SCP2: variants seen among roughly 807,000 people sequenced by gnomAD.
SCP2 encodes SCP-2/3-oxoacyl-CoA thiolase.
In SCP2, 48 loss-of-function variants were observed where a neutral mutation model predicts 71.4. The ratio of observed to expected loss-of-function variants is 0.67; its 90% CI spans 0.53 to 0.86. SCP2 has a LOEUF of 0.86. Ranked by LOEUF, SCP2 falls within the 40% of genes least tolerant of loss-of-function variation. The probability of loss-of-function intolerance (pLI) is 0.00; values close to 1 mark genes in which losing one functional copy is unlikely to be tolerated. For synonymous variants in SCP2, 220 were observed against 218.1 expected, an observed-to-expected ratio of 1.01 and a Z score of -0.08; for missense variants, 560 against 655.6, an observed-to-expected ratio of 0.85 and a Z score of 1.59.
chr1:52,946,149 G>A (rs1654769617), intron 2 of SCP2, among the ~76,000 whole-genome samples: 2 of 151,928 alleles, frequency 1.3e-5, no homozygotes. Context: ...GGTTGGTCTT[G>A]AGGTCCTGGG....
At chr1:52,953,054 TTCTG>T (rs1400949971) in intron 4 of SCP2, among the ~76,000 whole-genome samples, 94 of 149,174 alleles carry the variant, frequency 6.3e-4, no homozygotes, top group African/African-American at 2.1e-3. Flanking sequence ...AATGTGGCAA[TTCTG>T]TCTTTTTTTT....
chr1:53,031,693 T>C lies in SCP2; in HGVS notation c.1338+3622T>C, dbSNP rs967515640. Among the ~76,000 whole-genome samples, 23 of 152,352 alleles carry C rather than the reference T, an allele frequency of 1.5e-4. 1 individual carries two copies. The East Asian group carries it at 4.4e-3, about 29-fold the overall frequency. ...TATTTTCCCTTTAAACTCTTTCTCCTCATCAGTTTCCTTACCCTCTCTCAC... is the reference window on the plus strand; with the variant it reads ...TATTTTCCCTTTAAACTCTTTCTCCCCATCAGTTTCCTTACCCTCTCTCAC... On this transcript the variant is annotated intron_variant, in intron 13 of 15. Transcript: ENST00000371514.
rs1324465897 is a variant in SCP2, at chr1:52,927,280, G to A, written c.-117G>A. ...CCCCTACGCACGCGCACTCTCACGC[G>A]CCTGTGTTGCCGCCCGCGGCCCTGG... On this transcript the variant is annotated 5_prime_UTR_variant, in exon 1 of 16. Transcript: ENST00000371514. 4 of 664,600 alleles carry A rather than the reference G, an allele frequency of 6.0e-6. No homozygotes were observed. In the East Asian group the frequency reaches 1.6e-4, roughly 27 times the overall value. 41.2% of individuals were successfully genotyped at this position (664,600 alleles called of 1,614,324 possible). A position where few individuals can be genotyped will look rare whatever the true frequency, so the allele number is the denominator to read the frequency against.
chr1:52,989,885 G>T (rs1659318711), intron 11 of SCP2, among the ~76,000 whole-genome samples: 1 of 152,182 alleles, frequency 6.6e-6, no homozygotes, highest in Admixed American at 6.6e-5. Context: ...GGTCAGAGTT[G>T]TGTGCATGCT....
chr1:53,042,105 A>G (rs550660672), intron 14 of SCP2, among the ~76,000 whole-genome samples: 1 of 152,310 alleles, frequency 6.6e-6, no homozygotes, highest in South Asian at 2.1e-4. Context: ...TTCCTGAATT[A>G]TACAGAGTCC....
At chr1:52,982,309 G>A (rs144241285) in intron 10 of SCP2, among the ~76,000 whole-genome samples, 197 of 152,296 alleles carry the variant, frequency 1.3e-3, no homozygotes, top group African/African-American at 4.4e-3. Context: ...GGTGGCTCAG[G>A]CCTATAATCC....
chr1:52,978,135 T>G (rs1658147553), intron 8 of SCP2, 82 bp from the exon 9 acceptor site: 1 of 1,399,078 alleles, frequency 7.1e-7, no homozygotes, highest in Non-Finnish European at 1.0e-6. Context: ...TGGCCTTTCC[T>G]TTCACATAGA....
chr1:52,982,843 G>A (rs1184764813), intron 10 of SCP2, among the ~76,000 whole-genome samples: 1 of 152,162 alleles, frequency 6.6e-6, no homozygotes, highest in Non-Finnish European at 1.5e-5. Flanking sequence ...TTAGATGTCT[G>A]TTATATGTCA....
chr1:52,938,143 C>A (rs1653899928), intron 1 of SCP2, among the ~76,000 whole-genome samples: 2 of 152,184 alleles, frequency 1.3e-5, no homozygotes, highest in African/African-American at 4.8e-5. Context: ...TTGGTCTTAG[C>A]TGATTTCAGC....
intron 1 of SCP2, among the ~76,000 whole-genome samples, chr1:52,934,591 ACT>A (rs1491342683): frequency 2.4e-5 from 1 of 42,260 alleles, no homozygotes; most frequent in Non-Finnish European, 5.8e-5. Context: ...ATTCCAGCTA[ACT>A]TTTTTTTTTT....
chr1:52,985,322 T>A (rs928403301), intron 10 of SCP2, among the ~76,000 whole-genome samples: 7 of 152,166 alleles, frequency 4.6e-5, no homozygotes, highest in African/African-American at 9.7e-5. Context: ...GTCTTCCCCA[T>A]CCTCCTGTTG....
Position 53,014,964 on chromosome 1 carries a change from G to A in SCP2, c.1156G>A (p.Val386Met), listed in dbSNP as rs759971765. 1.9e-6 allele frequency: 3 copies of A among 1,614,050 alleles called. No individual in the cohort carries two copies. The South Asian group carries it at 3.3e-5, about 18-fold the overall frequency. Reference sequence around the variant, plus strand: ...AAAGAGGCAAGTTCCTGGTGCAAAGGTGGCTCTGCAGCATAATTTAGGCAT... The same window carrying A: ...AAAGAGGCAAGTTCCTGGTGCAAAGATGGCTCTGCAGCATAATTTAGGCAT... ...AGKRQVPGAK[V>M]ALQHNLGIGG... Residue 386 changes from valine to methionine, a missense_variant, in exon 12 of 16, where the codon GTG becomes ATG. Physicochemically the swap from Val to Met is conservative, Grantham distance 21 (BLOSUM62 1). This residue lies in a region of SCP2 where 513 missense variants were observed against 573.1 expected (regional missense o/e 0.90). Coordinates refer to ENST00000371514, the MANE Select transcript of SCP2 (RefSeq NM_002979.5).
At chr1:52,952,465 G>A (rs1383038683) in intron 4 of SCP2, among the ~76,000 whole-genome samples, 3 of 152,124 alleles carry the variant, frequency 2.0e-5, no homozygotes, top group South Asian at 2.1e-4. Flanking sequence ...GGCTTTAAGC[G>A]ATCTTCCTGC....
intron 6 of SCP2, among the ~76,000 whole-genome samples, chr1:52,964,410 C>T (rs762279099): frequency 6.6e-6 from 1 of 151,594 alleles, no homozygotes; most frequent in South Asian, 2.1e-4. Flanking sequence ...CCATGTTAGC[C>T]GGGATGGTCT....
intron 11 of SCP2, among the ~76,000 whole-genome samples, chr1:53,005,606 A>G (rs978031101): frequency 6.6e-6 from 1 of 152,210 alleles, no homozygotes; most frequent in Non-Finnish European, 1.5e-5. Context: ...CATTCACACC[A>G]AAACCCCATC....
Position 52,961,701 on chromosome 1 carries a change from A to C in SCP2, c.523+72A>C, listed in dbSNP as rs1656465801. On this transcript the variant is annotated intron_variant, in intron 6 of 15. Coordinates refer to ENST00000371514, the MANE Select transcript of SCP2 (RefSeq NM_002979.5). Reference sequence around the variant, plus strand: ...ATGAGATGAGAAATGACAGTTATTTATTAAGGAACTGTGGAGGATGCCAGG... The same window carrying C: ...ATGAGATGAGAAATGACAGTTATTTCTTAAGGAACTGTGGAGGATGCCAGG... 4 of 1,334,304 alleles carry C rather than the reference A, an allele frequency of 3.0e-6. No individual in the cohort carries two copies. The East Asian group carries it at 9.3e-5, about 31-fold the overall frequency. 82.7% of individuals were successfully genotyped at this position (1,334,304 alleles called of 1,614,324 possible). A position where few individuals can be genotyped will look rare whatever the true frequency, so the allele number is the denominator to read the frequency against.
chr1:53,034,871 C>T (rs762616184), intron 13 of SCP2, among the ~76,000 whole-genome samples: 4 of 151,968 alleles, frequency 2.6e-5, no homozygotes, highest in African/African-American at 7.3e-5. Flanking sequence ...TTTGGGAGGC[C>T]GAGGCAGGCG....
chr1:52,960,810 T>C (rs1258946125), intron 5 of SCP2, among the ~76,000 whole-genome samples: 1 of 151,172 alleles, frequency 6.6e-6, no homozygotes, highest in Non-Finnish European at 1.5e-5. Flanking sequence ...AGTGCAGTAG[T>C]GGTGTGATCT....
chr1:52,970,080 T>G (rs550464863), intron 6 of SCP2, among the ~76,000 whole-genome samples: 1 of 152,308 alleles, frequency 6.6e-6, no homozygotes, highest in South Asian at 2.1e-4. Flanking sequence ...TTCTGACAAG[T>G]TCTATAATTT....
Sources: allele counts gnomAD v4.1 joint callset (sites outside exome capture counted in the v4.1 genomes callset), GRCh38; gene constraint gnomAD v4.1.1; regional missense constraint gnomAD v4.1.1; transcripts MANE v1.5; gene names NCBI Gene and HGNC (gene_info 2026-07-23, HGNC 2026-07-21).